Variants in LGR6 observed in about 807,000 individuals in gnomAD.
LGR6 encodes leucine-rich repeat-containing G protein-coupled receptor 6.
A neutral mutation model predicts 69.4 loss-of-function variants in LGR6; 45 were observed. The observed-to-expected ratio is 0.65, with a 90% CI of 0.51 to 0.83. LGR6 has a LOEUF of 0.83. Among genes scored for constraint, LGR6 ranks in the 40% least tolerant of loss-of-function variants. The pLI is 0.00. For missense variants in LGR6, 1,108 were observed against 1,246.7 expected (o/e 0.89, Z 1.68); for synonymous variants, 538 against 555.0 (o/e 0.97, Z 0.43).
chr1:202,246,407 T>C (rs1313646531), intron 4 of LGR6, among the ~76,000 whole-genome samples: 1 of 83,342 alleles, frequency 1.2e-5, no homozygotes, highest in Non-Finnish European at 2.4e-5. Flanking sequence ...CCTTCATCTA[T>C]CCATTCATCC....
chr1:202,227,257 C>T (rs1314206985), intron 2 of LGR6, among the ~76,000 whole-genome samples: 1 of 152,118 alleles, frequency 6.6e-6, no homozygotes, highest in Non-Finnish European at 1.5e-5. Context: ...AAATAATGTC[C>T]CTGGGGACTT....
At chr1:202,317,586 T>C (rs1654246605) in intron 17 of LGR6, among the ~76,000 whole-genome samples, 3 of 152,106 alleles carry the variant, frequency 2.0e-5, no homozygotes, top group African/African-American at 7.2e-5. Flanking sequence ...CCTCAGACAA[T>C]CCATCCGCCT....
intron 1 of LGR6, 77 bp downstream of exon 1, chr1:202,194,278 C>A: frequency 9.1e-7 from 1 of 1,101,494 alleles, no homozygotes; most frequent in East Asian, 2.8e-5. Context: ...AGCAGGGCAC[C>A]TGCTTGCTTG....
intron 4 of LGR6, among the ~76,000 whole-genome samples, chr1:202,248,640 A>C (rs919680517): frequency 6.6e-6 from 1 of 151,870 alleles, no homozygotes; most frequent in East Asian, 1.9e-4. Context: ...GTTTGGGGGG[A>C]TGTGCTGCCG....
intron 1 of LGR6, among the ~76,000 whole-genome samples, chr1:202,213,387 C>A (rs1255717518): frequency 2.0e-5 from 3 of 152,072 alleles, no homozygotes; most frequent in Non-Finnish European, 2.9e-5. Flanking sequence ...CTTTGCCTTT[C>A]CTTGGAGAAG....
chr1:202,252,146 C>A (rs2924111), intron 4 of LGR6, among the ~76,000 whole-genome samples: 65,760 of 151,796 alleles, frequency 0.43, 16,067 homozygotes, highest in East Asian at 0.7. Context: ...CTAAATTATA[C>A]CTGTTTTCAC....
intron 3 of LGR6, among the ~76,000 whole-genome samples, chr1:202,230,778 A>G (rs1660968718): frequency 6.6e-6 from 1 of 152,200 alleles, no homozygotes; most frequent in Admixed American, 6.5e-5. Flanking sequence ...ATCTTCTCAC[A>G]TCTGCAGACC....
chr1:202,248,676 C>T (rs1662965383), intron 4 of LGR6, among the ~76,000 whole-genome samples: 1 of 152,186 alleles, frequency 6.6e-6, no homozygotes. Context: ...TGAAAGGTTG[C>T]AGTGCCTTCA....
intron 4 of LGR6, among the ~76,000 whole-genome samples, chr1:202,240,468 C>T (rs1023751792): frequency 2.0e-5 from 3 of 151,938 alleles, no homozygotes; most frequent in African/African-American, 7.3e-5. Flanking sequence ...GCTGAGGCCC[C>T]TCTGGGACAT....
At chr1:202,209,159 A>G (rs1049287568) in intron 1 of LGR6, among the ~76,000 whole-genome samples, 2 of 152,122 alleles carry the variant, frequency 1.3e-5, no homozygotes, top group Non-Finnish European at 2.9e-5. Flanking sequence ...TATTTTGGCC[A>G]GAGGGGAGAG....
intron 15 of LGR6, among the ~76,000 whole-genome samples, chr1:202,309,958 T>C (rs1459241876): frequency 6.6e-6 from 1 of 152,152 alleles, no homozygotes; most frequent in Non-Finnish European, 1.5e-5. Context: ...CCCATCTCAC[T>C]TGCCAAGATG....
At chr1:202,278,058 A>G (rs923471809) in intron 5 of LGR6, among the ~76,000 whole-genome samples, 5 of 152,138 alleles carry the variant, frequency 3.3e-5, no homozygotes, top group African/African-American at 9.7e-5. Context: ...CAACGTCAGA[A>G]CAGAGAGCTT....
At chr1:202,311,151 C>T (rs1653690187) in intron 16 of LGR6, among the ~76,000 whole-genome samples, 1 of 152,096 alleles carries the variant, frequency 6.6e-6, no homozygotes. Context: ...TAGGGGTCCT[C>T]TGCTTTGGGG....
intron 4 of LGR6, among the ~76,000 whole-genome samples, chr1:202,270,251 T>G (rs952811754): frequency 6.6e-6 from 1 of 151,996 alleles, no homozygotes; most frequent in African/African-American, 2.4e-5. Context: ...GCTTTTGTTT[T>G]TTTTTTTTGA....
At chr1:202,231,320 C>T (rs568253778) in intron 3 of LGR6, among the ~76,000 whole-genome samples, 39 of 152,338 alleles carry the variant, frequency 2.6e-4, no homozygotes, top group Non-Finnish European at 4.9e-4. Flanking sequence ...TGAACTGACC[C>T]ACGAAGGGAA....
intron 6 of LGR6, among the ~76,000 whole-genome samples, chr1:202,296,191 C>G (rs554151293): frequency 6.6e-6 from 1 of 152,182 alleles, no homozygotes; most frequent in East Asian, 1.9e-4. Context: ...AGAAGGTGGG[C>G]TGGGGTCATC....
chr1:202,297,098 C>T (rs766555092), intron 6 of LGR6, among the ~76,000 whole-genome samples: 1 of 152,196 alleles, frequency 6.6e-6, no homozygotes, highest in African/African-American at 2.4e-5. Context: ...ATGGAGACCA[C>T]AGTGGTCACC....
At chr1:202,223,442 C>T (rs1660302890) in intron 1 of LGR6, among the ~76,000 whole-genome samples, 1 of 152,132 alleles carries the variant, frequency 6.6e-6, no homozygotes, top group African/African-American at 2.4e-5. Context: ...CCCAGCCTGC[C>T]TTTCTGGGCA....
chr1:202,241,616 G>A lies in LGR6; in HGVS notation c.428+5623G>A, dbSNP rs531651583. On this transcript the variant is annotated intron_variant, in intron 4 of 17. Transcript: ENST00000367278. Reference sequence around the variant, plus strand: ...TGCCAGGCTTGAGCCAAGGCCAAGAGAAACCACAGGAAGCCAGCAGAGCCT... The same window carrying A: ...TGCCAGGCTTGAGCCAAGGCCAAGAAAAACCACAGGAAGCCAGCAGAGCCT... Among the ~76,000 whole-genome samples the A allele has an allele frequency of 2.6e-5, 4 of 151,878 alleles. No homozygotes were observed. In the South Asian group the frequency reaches 8.4e-4, roughly 32 times the overall value.
Sources: allele counts gnomAD v4.1 joint callset (sites outside exome capture counted in the v4.1 genomes callset), GRCh38; gene constraint gnomAD v4.1.1; transcripts MANE v1.5; gene names NCBI Gene and HGNC (gene_info 2026-07-23, HGNC 2026-07-21).